Variants in KDM6B observed in about 807,000 individuals in gnomAD.
KDM6B encodes lysine demethylase 6B.
A neutral mutation model predicts 150.4 loss-of-function variants in KDM6B; 22 were observed. The observed-to-expected ratio is 0.15, with a 90% confidence interval of 0.10 to 0.21. The LOEUF (loss-of-function observed/expected upper bound fraction) is 0.21, where lower values mean the gene tolerates loss of function less well. Ranked by LOEUF, KDM6B falls within the 10% of genes least tolerant of loss-of-function variation. The pLI is 1.00. For missense variants in KDM6B, 1,984 were observed against 2,234.3 expected (o/e 0.89, Z 2.26); for synonymous variants, 1,148 against 921.1 (o/e 1.25, Z -4.46).
At position 7,843,582 on chromosome 17, in the gene KDM6B, C is replaced by G. The variant is rs1422999107; in HGVS notation, c.-268-1319C>G. Reference sequence around the variant, plus strand: ...GCTGGGTGGAAATTTCCCCACAGCGCAGACTTCTCTCAACGAACGCGAACT... The same window carrying G: ...GCTGGGTGGAAATTTCCCCACAGCGGAGACTTCTCTCAACGAACGCGAACT... On this transcript the variant is annotated intron_variant, in intron 2 of 23. Transcript: ENST00000448097. This position sits in a 1 kb window ranked among gnomAD's most constrained non-coding sequence, Gnocchi z 4.5. Among the ~76,000 whole-genome samples, 2 of 152,182 alleles carry G rather than the reference C, an allele frequency of 1.3e-5. No individual in the cohort carries two copies. The highest frequency in any genetic ancestry group is 2.9e-5 in the Non-Finnish European group (2 of 68,030).
Position 7,849,547 on chromosome 17 carries a change from G to T in KDM6B, c.3259G>T (p.Ala1087Ser), listed in dbSNP as rs1326476248. ...CCCAGGGCCACCGGGTGTCAGCCGG[G>T]CCGACATGCTGAAGCTGCGCTCACT... ...EAPGPPGVSR[A>S]DMLKLRSLSE... Residue 1087 changes from alanine to serine, a missense_variant, in exon 12 of 24, where the codon GCC (alanine) becomes TCC (serine). Transcript: ENST00000448097. 3.7e-6 allele frequency: 6 copies of T among 1,612,794 alleles called. No homozygotes were observed. The highest frequency in any genetic ancestry group is 5.1e-6 in the Non-Finnish European group (6 of 1,179,948).
rs762876879 is a variant in KDM6B at position 7,851,282 on chromosome 17, C to T, written c.3880-48C>T. The T allele has an allele frequency of 5.6e-6, 9 of 1,613,288 alleles. No individual in the cohort carries two copies. The Admixed American group carries it at 1.3e-4, about 24-fold the overall frequency. On this transcript the variant is annotated intron_variant, in intron 15 of 23. Transcript: ENST00000448097. ...CTGGGACGGGGCTGCGGTGGGAGGG[C>T]TCTCGAAAGGTCTCTGACCCAGGCC...
intron 21 of KDM6B, 142 bp downstream of exon 21, chr17:7,852,778 T>A (rs2078725557): frequency 7.5e-7 from 1 of 1,337,472 alleles, no homozygotes; most frequent in East Asian, 2.3e-5. Context: ...GGAGGCTAAC[T>A]AGGTCCTTGC....
In KDM6B at chr17:7,845,910, C is replaced by T. The variant is rs1567788701; in HGVS notation, c.176C>T (p.Pro59Leu). ...ATTGGGCAGCCCCCGCTTCCTGCTC[C>T]CCTACCCCCTTCACATGGCAGTAGT... Reference protein sequence around the residue: ...ASIGQPPLPAPLPPSHGSSSG... With the variant: ...ASIGQPPLPALLPPSHGSSSG... Residue 59 changes from proline to leucine, a missense_variant, in exon 6 of 24, where the codon CCC (proline) becomes CTC (leucine). By Grantham distance (98) the Pro-to-Leu change is moderately conservative (BLOSUM62 -3). Coordinates refer to ENST00000448097, the MANE Select transcript of KDM6B (RefSeq NM_001348716.2). 25 of 1,614,124 alleles carry T rather than the reference C, an allele frequency of 1.5e-5. No homozygotes were observed. Among genetic ancestry groups the T allele is most frequent in the Non-Finnish European group, 2.1e-5 (25 of 1,179,952 alleles).
At position 7,851,808 on chromosome 17, in the gene KDM6B, G is replaced by A. The variant is rs757825809; in HGVS notation, c.4165+12G>A. ...CAGCCGAACGCCAGGTGCGCTCCAC[G>A]CCTGTGCGCGCTGATGCTGGAAGCG... On this transcript the variant is annotated intron_variant, in intron 18 of 23. Coordinates refer to ENST00000448097, the MANE Select transcript of KDM6B (RefSeq NM_001348716.2). 1.3e-6 allele frequency: 2 copies of A among 1,555,920 alleles called. No individual in the cohort carries two copies. Among genetic ancestry groups the A allele is most frequent in the South Asian group, 1.2e-5 (1 of 85,456 alleles).
intron 1 of KDM6B, among the ~76,000 whole-genome samples, chr17:7,838,240 G>C (rs1029207101): frequency 1.2e-5 from 1 of 80,744 alleles, no homozygotes; most frequent in Non-Finnish European, 2.5e-5. Flanking sequence ...CTGGGGGCTG[G>C]GGGGGCGGGT....
chr17:7,852,939 C>T, intron 21 of KDM6B, 61 bp from the exon 22 acceptor site: 3 of 1,611,098 alleles, frequency 1.9e-6, no homozygotes, highest in Admixed American at 1.7e-5. Context: ...TGCCCTTGCT[C>T]CAGCCCTGCC....
In KDM6B at chr17:7,849,324, AAAG is replaced by A. The variant is rs1198118540; in HGVS notation, c.3038_3040del (p.Lys1013del). On this transcript the variant is annotated inframe_deletion, in exon 12 of 24. Coordinates refer to ENST00000448097, the MANE Select transcript of KDM6B (RefSeq NM_001348716.2). ...AGGCCAAGGCCAAGGTCCCCAAAGA[AAAG>A]AGCCGCCGGGTGCTGGGGAACCTGG... 1 of 1,568,692 alleles carries A rather than the reference AAAG, an allele frequency of 6.4e-7. No homozygotes were observed. The highest frequency in any genetic ancestry group is 8.6e-7 in the Non-Finnish European group (1 of 1,157,104).
chr17:7,852,413 C>T (rs891312089), intron 20 of KDM6B, 77 bp downstream of exon 20: 1 of 1,289,186 alleles, frequency 7.8e-7, no homozygotes, highest in Non-Finnish European at 1.1e-6. Context: ...CTTGGAGAGC[C>T]GCCAGCAGTG....
chr17:7,850,503 T>TA (rs778411530), intron 14 of KDM6B, among the ~76,000 whole-genome samples: 2 of 152,318 alleles, frequency 1.3e-5, no homozygotes, highest in Non-Finnish European at 2.9e-5. Context: ...TTCAAACACA[T>TA]ACAAAATTAG....
chr17:7,844,692 C>T lies in KDM6B; in HGVS notation c.-268-209C>T, dbSNP rs1028134884. ...CGGCCCCCACGCCGGCCGGAGCATG[C>T]GACTAACCGGCCTCATCCGCATGCG... On this transcript the variant is annotated intron_variant, in intron 2 of 23. Coordinates refer to ENST00000448097, the MANE Select transcript of KDM6B (RefSeq NM_001348716.2). This position sits in a 1 kb window ranked among gnomAD's most constrained non-coding sequence, Gnocchi z 5.9. Among the ~76,000 whole-genome samples the T allele has an allele frequency of 6.6e-6, 1 of 152,188 alleles. No individual in the cohort carries two copies. Among genetic ancestry groups the T allele is most frequent in the African/African-American group, 2.4e-5 (1 of 41,438 alleles).
rs2078289569 is a variant in KDM6B at position 7,834,429 on chromosome 17, G to C, written c.-388+79G>C. ...AGGGCAGGACGCCTGAGTCTCTGGA[G>C]GGGTAGAGCTGGGGATGGACGTTTG... On this transcript the variant is annotated intron_variant, in intron 1 of 23. Transcript: ENST00000448097. 2.6e-5 allele frequency among the ~76,000 whole-genome samples: 4 copies of C among 152,106 alleles called. 1 individual carries two copies. In the South Asian group the frequency reaches 8.3e-4, roughly 32 times the overall value.
intron 7 of KDM6B, 37 bp downstream of exon 7, chr17:7,846,334 G>T (rs1307455267): frequency 6.3e-7 from 1 of 1,589,786 alleles, no homozygotes; most frequent in Non-Finnish European, 8.6e-7. Context: ...GGGATTGTAC[G>T]ATTGTGCCTT....
Position 7,851,124 on chromosome 17 carries a change from G to A in KDM6B, c.3777G>A (p.Leu1259=). ...VQQPSDENWD[L]TGTRQIWPCE... ...AGCCCTCAGATGAGAACTGGGATCT[G>A]ACAGGCACTCGGCAGATCTGGCCTT... The change falls in exon 15 of 24, where the codon CTG becomes CTA. Residue 1259 remains leucine, a synonymous_variant. Transcript: ENST00000448097. 1 of 1,613,846 alleles carries A rather than the reference G, an allele frequency of 6.2e-7. No homozygotes were observed. The highest frequency in any genetic ancestry group is 8.5e-7 in the Non-Finnish European group (1 of 1,180,046).
In KDM6B at chr17:7,849,301, G is replaced by T; in HGVS notation, c.3013G>T (p.Ala1005Ser). ...TCGGCCCCGTGAGGGCAGGGCAAAG[G>T]CCAAGGCCAAGGTCCCCAAAGAAAA... ...GRRPREGRAK[A>S]KAKVPKEKSR... Residue 1005 changes from alanine (A) to serine (S), a missense_variant, in exon 12 of 24, where the codon GCC becomes TCC. Transcript: ENST00000448097. 6.4e-7 allele frequency: 1 copy of T among 1,558,018 alleles called. No individual in the cohort carries two copies. Among genetic ancestry groups the T allele is most frequent in the African/African-American group, 1.4e-5 (1 of 73,460 alleles).
chr17:7,848,924 C>A lies in KDM6B; in HGVS notation c.2636C>A (p.Ala879Asp), dbSNP rs752770247. ...SQFSTSGGPW[A>D]RERRAGEEPV... ...TTCTCTACCTCAGGCGGGCCCTGGG[C>A]CCGGGAGCGCAGGGCGGGCGAAGAG... Residue 879 changes from alanine to aspartate, a missense_variant, in exon 12 of 24, where the codon GCC becomes GAC. Coordinates refer to ENST00000448097, the MANE Select transcript of KDM6B (RefSeq NM_001348716.2). 6.2e-7 allele frequency: 1 copy of A among 1,600,290 alleles called. No homozygotes were observed. The highest frequency in any genetic ancestry group is 1.1e-5 in the South Asian group (1 of 90,226).
intron 7 of KDM6B, 29 bp from the exon 8 acceptor site, chr17:7,846,371 G>GGGGGGGGGGCCGGGGGCCCCCCC: frequency 6.7e-7 from 1 of 1,488,926 alleles, no homozygotes; most frequent in Non-Finnish European, 9.2e-7. Context: ...CCTGACATCT[G>GGGGGGGGGGCCGGGGGCCCCCCC]CCCCTGCCCC....
intron 6 of KDM6B, 25 bp from the exon 7 acceptor site, chr17:7,846,052 AC>A: frequency 9.6e-6 from 5 of 522,274 alleles, no homozygotes; most frequent in Non-Finnish European, 1.5e-5. Context: ...ACCCCCACCC[AC>A]ACCCCCACCC....
rs747034055 is a variant in KDM6B at position 7,851,592 on chromosome 17, C to CT, written c.4016+44dup. On this transcript the variant is annotated intron_variant, in intron 17 of 23. Coordinates refer to ENST00000448097, the MANE Select transcript of KDM6B (RefSeq NM_001348716.2). Reference sequence around the variant, plus strand: ...CAGGGAAGTTGGGGCAGGAGTGCTGCTAGGACCTCGTGGCGGGGGCGGGGT... The same window carrying CT: ...CAGGGAAGTTGGGGCAGGAGTGCTGCTTAGGACCTCGTGGCGGGGGCGGGGT... The CT allele has an allele frequency of 1.9e-6, 3 of 1,611,418 alleles. No homozygotes were observed. The African/African-American group carries it at 4.0e-5, about 22-fold the overall frequency.
Sources: gnomAD v4.1 joint callset for allele counts (sites outside exome capture counted in the v4.1 genomes callset) on GRCh38, gnomAD v4.1.1 for gene constraint, Gnocchi (gnomAD v3.1) non-coding constraint, MANE v1.5 for transcripts, NCBI Gene and HGNC (gene_info 2026-07-23, HGNC 2026-07-21) for gene names.